Variants in TET2 observed in about 807,000 individuals in gnomAD.
TET2 encodes tet methylcytosine dioxygenase 2, also known as methylcytosine dioxygenase TET2.
TET2 carries 299 observed loss-of-function variants against 142.9 expected under a neutral mutation model. The ratio of observed to expected loss-of-function variants is 2.09; its 90% CI spans 1.90 to 2.30. The LOEUF (loss-of-function observed/expected upper bound fraction) is 2.30. Among genes scored for constraint, TET2 ranks in the 30% most tolerant of loss-of-function variants. The pLI is 0.00. For missense variants in TET2, 2,418 were observed against 2,378.0 expected (o/e 1.02, Z -0.35); for synonymous variants, 819 against 849.0 (o/e 0.96, Z 0.61).
Position 105,234,519 on chromosome 4 carries a change from CA to C in TET2, c.578del (p.His193LeufsTer14). ...GCAGGAGGGGAAAAGTGCTAATTAC[CA>C]TGACAAGAACATTGTATTACTTAAA... ...NEQEGKSANY[H>X]DKNIVLLKNK... On this transcript the variant is annotated frameshift_variant, in exon 3 of 11. Transcript: ENST00000380013. LOFTEE classifies it high-confidence loss of function. 1 of 1,614,102 alleles carries C rather than the reference CA, an allele frequency of 6.2e-7. No homozygotes were observed. Among genetic ancestry groups the C allele is most frequent in the Non-Finnish European group, 8.5e-7 (1 of 1,180,010 alleles).
At chr4:105,225,748 C>G (rs1028375389) in intron 2 of TET2, among the ~76,000 whole-genome samples, 1 of 152,104 alleles carries the variant, frequency 6.6e-6, no homozygotes, top group Non-Finnish European at 1.5e-5. Flanking sequence ...GGATTCAACT[C>G]AGTGCAGCAG....
intron 1 of TET2, among the ~76,000 whole-genome samples, chr4:105,180,325 A>G (rs755148132): frequency 9.2e-5 from 14 of 152,188 alleles, no homozygotes; most frequent in Non-Finnish European, 1.9e-4. Context: ...ATTCATTCCT[A>G]GTCTAAAAAT....
intron 5 of TET2, among the ~76,000 whole-genome samples, 199 bp downstream of exon 5, chr4:105,243,126 TTTA>T (rs1225427311): frequency 1.3e-5 from 2 of 152,234 alleles, no homozygotes; most frequent in Non-Finnish European, 2.9e-5. Context: ...ATTGAAATAA[TTTA>T]GTGATGAGGA....
chr4:105,235,004 A>C lies in TET2; in HGVS notation c.1062A>C (p.Ser354=). 6.2e-7 allele frequency: 1 copy of C among 1,614,092 alleles called. No individual in the cohort carries two copies. The highest frequency in any genetic ancestry group is 8.5e-7 in the Non-Finnish European group (1 of 1,179,982). ...TKLASGEEFC[S]GSSSNLQAPG... ...TAGCGTCTGGTGAAGAATTCTGTTC[A>C]GGTTCCAGCAGCAATTTGCAAGCTC... The change falls in exon 3 of 11, where the codon TCA becomes TCC. Residue 354 remains serine (S), a synonymous_variant. Transcript: ENST00000380013.
chr4:105,219,178 G>A (rs1727669110), intron 2 of TET2, among the ~76,000 whole-genome samples: 1 of 151,938 alleles, frequency 6.6e-6, no homozygotes, highest in Non-Finnish European at 1.5e-5. Context: ...TTGGTTTAAT[G>A]GCATCTCCAT....
intron 6 of TET2, among the ~76,000 whole-genome samples, chr4:105,244,686 C>T (rs959136933): frequency 6.7e-6 from 1 of 149,698 alleles, no homozygotes; most frequent in Non-Finnish European, 1.5e-5. Flanking sequence ...ACCTCCACCT[C>T]CCAGGTTCAA....
chr4:105,214,894 G>A (rs1211974493), intron 2 of TET2, among the ~76,000 whole-genome samples: 1 of 152,116 alleles, frequency 6.6e-6, no homozygotes, highest in East Asian at 1.9e-4. Context: ...TGAGCTGCTT[G>A]ACCAAACGTA....
At chr4:105,175,841 G>C (rs1188714646) in intron 1 of TET2, among the ~76,000 whole-genome samples, 2 of 151,996 alleles carry the variant, frequency 1.3e-5, no homozygotes. Context: ...AACACCTATA[G>C]AGGAGCAAAA....
intron 6 of TET2, among the ~76,000 whole-genome samples, chr4:105,256,318 T>C (rs1416877731): frequency 1.3e-5 from 2 of 152,190 alleles, no homozygotes; most frequent in African/African-American, 4.8e-5. Flanking sequence ...CAATAAACTC[T>C]TATTTATCAG....
At chr4:105,242,582 C>T in intron 4 of TET2, 2 of 1,205,372 alleles carry the variant, frequency 1.7e-6, no homozygotes, top group South Asian at 3.5e-5. Flanking sequence ...ATGAGCTTTC[C>T]CATTTTCACC....
rs550035519 is a variant in TET2, at chr4:105,229,837, C to T, written c.-46-4060C>T. Among the ~76,000 whole-genome samples the T allele has an allele frequency of 1.8e-4, 27 of 151,702 alleles. 1 individual carries two copies. Among genetic ancestry groups the T allele is most frequent in the Non-Finnish European group, 3.4e-4 (23 of 67,958 alleles). ...CTTATATAAACTGTTGTGTAGCTTCCTTTATTCCATTTAATTACTGGGAGA... is the reference window on the plus strand; with the variant it reads ...CTTATATAAACTGTTGTGTAGCTTCTTTTATTCCATTTAATTACTGGGAGA... On this transcript the variant is annotated intron_variant, in intron 2 of 10. Coordinates refer to ENST00000380013, the MANE Select transcript of TET2 (RefSeq NM_001127208.3).
At chr4:105,193,976 C>G (rs1277665122) in intron 2 of TET2, among the ~76,000 whole-genome samples, 1 of 152,032 alleles carries the variant, frequency 6.6e-6, no homozygotes, top group Non-Finnish European at 1.5e-5. Flanking sequence ...GATTTGGAAC[C>G]ATTAGACATC....
intron 1 of TET2, among the ~76,000 whole-genome samples, chr4:105,168,831 T>A (rs760364152): frequency 1.5e-4 from 23 of 152,304 alleles, no homozygotes; most frequent in Non-Finnish European, 3.1e-4. Context: ...AGTGAGAACA[T>A]ATGATGTTTG....
At chr4:105,187,165 G>A (rs2110471465) in intron 1 of TET2, among the ~76,000 whole-genome samples, 1 of 152,200 alleles carries the variant, frequency 6.6e-6, no homozygotes, top group East Asian at 1.9e-4. Flanking sequence ...CACCACCTTG[G>A]TATAGTTAAA....
chr4:105,241,951 TTTC>T (rs372860072), intron 4 of TET2: 56,938 of 866,616 alleles, frequency 0.066, 9 homozygotes, highest in Non-Finnish European at 0.075. Flanking sequence ...TTTTTTTTTT[TTTC>T]GCTATCAATC....
chr4:105,201,914 TG>T (rs1291795854), intron 2 of TET2, among the ~76,000 whole-genome samples: 4 of 151,672 alleles, frequency 2.6e-5, no homozygotes, highest in African/African-American at 9.7e-5. Flanking sequence ...GCTAATTTTT[TG>T]TATTTTTTGT....
At chr4:105,229,114 C>T (rs903420123) in intron 2 of TET2, among the ~76,000 whole-genome samples, 37 of 151,958 alleles carry the variant, frequency 2.4e-4, no homozygotes, top group African/African-American at 9.0e-4. Context: ...TTTTTTAACA[C>T]TAAATCTTTG....
intron 1 of TET2, among the ~76,000 whole-genome samples, chr4:105,160,380 G>A (rs1486641659): frequency 2.0e-5 from 3 of 152,138 alleles, no homozygotes; most frequent in Non-Finnish European, 2.9e-5. Flanking sequence ...CGTATATTTG[G>A]TATATGTATA....
At position 105,275,062 on chromosome 4, in the gene TET2, T is replaced by C. The variant is rs1223831484; in HGVS notation, c.4552T>C (p.Ser1518Pro). 6.5e-7 allele frequency: 1 copy of C among 1,535,302 alleles called. No homozygotes were observed. Among genetic ancestry groups the C allele is most frequent in the Non-Finnish European group, 8.8e-7 (1 of 1,140,116 alleles). Residue 1518 changes from serine (S) to proline (P), a missense_variant, in exon 11 of 11, where the codon TCA becomes CCA. Coordinates refer to ENST00000380013, the MANE Select transcript of TET2 (RefSeq NM_001127208.3). ...AKQLAELLRL[S>P]GPVMQQSQQP... is the part of the protein sequence containing the mutation. Reference sequence around the variant, plus strand: ...CCTGTCCACAGAACTTTTGCGACTTTCAGGACCAGTCATGCAGCAGTCCCA... The same window carrying C: ...CCTGTCCACAGAACTTTTGCGACTTCCAGGACCAGTCATGCAGCAGTCCCA...
Sources: gnomAD v4.1 joint callset for allele counts (sites outside exome capture counted in the v4.1 genomes callset) on GRCh38, gnomAD v4.1.1 for gene constraint, MANE v1.5 for transcripts, NCBI Gene and HGNC (gene_info 2026-07-23, HGNC 2026-07-21) for gene names.